Variants in GPC6 observed in about 807,000 individuals in gnomAD.
GPC6 encodes the protein glypican-6.
Under a neutral mutation model 55.2 loss-of-function variants are expected in GPC6, and 14 were observed. The ratio of observed to expected loss-of-function variants is 0.25; its 90% CI spans 0.17 to 0.40. The LOEUF is 0.40. GPC6 is among the 10% of genes least tolerant of loss of function. The pLI, the probability that GPC6 is intolerant of heterozygous loss-of-function variation, is 1.00. For missense variants in GPC6, 641 were observed against 708.5 expected (o/e 0.90, Z 1.08); for synonymous variants, 278 against 259.6 (o/e 1.07, Z -0.68).
chr13:94,369,147 T>C (rs146581885), intron 6 of GPC6, among the ~76,000 whole-genome samples: 43 of 152,314 alleles, frequency 2.8e-4, no homozygotes, highest in African/African-American at 9.9e-4. Flanking sequence ...AAAGATATGG[T>C]ATATATTATT....
chr13:94,225,017 T>G (rs1357091116), intron 4 of GPC6, among the ~76,000 whole-genome samples: 1 of 152,172 alleles, frequency 6.6e-6, no homozygotes, highest in Non-Finnish European at 1.5e-5. Flanking sequence ...TACTCTGGTC[T>G]GCAGCTCATC....
chr13:93,586,685 C>T (rs1464473657), intron 2 of GPC6, among the ~76,000 whole-genome samples: 1 of 152,146 alleles, frequency 6.6e-6, no homozygotes, highest in Non-Finnish European at 1.5e-5. Context: ...CTATACAATA[C>T]CTGTCAGTTT....
chr13:93,854,846 A>C (rs1301163694), intron 3 of GPC6, among the ~76,000 whole-genome samples: 1 of 151,612 alleles, frequency 6.6e-6, no homozygotes, highest in Non-Finnish European at 1.5e-5. Context: ...ATCTAAGTAC[A>C]TTTTTTTAAA....
At chr13:94,262,158 A>C (rs1175511245) in intron 4 of GPC6, among the ~76,000 whole-genome samples, 1 of 152,190 alleles carries the variant, frequency 6.6e-6, no homozygotes, top group Non-Finnish European at 1.5e-5. Flanking sequence ...AGAGCTGGGC[A>C]TATGGTATTT....
rs139843109 is a variant in GPC6 at position 93,421,715 on chromosome 13, G to GAA, written c.161-123539_161-123538dup. On this transcript the variant is annotated intron_variant, in intron 1 of 8. Transcript: ENST00000377047. ...TTTAATGGAAGCAGGTGGAAAATGT[G>GAA]AAAAAAAAAATGACTAAAATGGCTG... 6.0e-5 allele frequency among the ~76,000 whole-genome samples: 9 copies of GAA among 148,792 alleles called. No individual in the cohort carries two copies. In the South Asian group the frequency reaches 1.1e-3, roughly 18 times the overall value.
intron 2 of GPC6, among the ~76,000 whole-genome samples, chr13:93,761,349 G>A (rs1478604242): frequency 6.6e-6 from 1 of 152,164 alleles, no homozygotes; most frequent in Non-Finnish European, 1.5e-5. Context: ...TTTTTTAATA[G>A]AGACAGATTA....
At chr13:94,257,853 C>T (rs946190996) in intron 4 of GPC6, among the ~76,000 whole-genome samples, 8 of 152,280 alleles carry the variant, frequency 5.3e-5, no homozygotes, top group African/African-American at 1.9e-4. Context: ...GATAGACTAA[C>T]AAGAGACAGA....
chr13:94,338,817 T>C (rs373092009), intron 6 of GPC6, among the ~76,000 whole-genome samples: 2 of 152,144 alleles, frequency 1.3e-5, no homozygotes, highest in African/African-American at 4.8e-5. Flanking sequence ...CTCTGTCACA[T>C]ACATGAGGCT....
At chr13:93,367,707 G>A (rs138970382) in intron 1 of GPC6, among the ~76,000 whole-genome samples, 30 of 152,122 alleles carry the variant, frequency 2.0e-4, no homozygotes, top group Admixed American at 1.5e-3. Flanking sequence ...ATTTAATAGT[G>A]TGTTGCTTAG....
At chr13:94,053,038 A>T (rs915369959) in intron 4 of GPC6, among the ~76,000 whole-genome samples, 1 of 152,146 alleles carries the variant, frequency 6.6e-6, no homozygotes, top group African/African-American at 2.4e-5. Context: ...CCAAATATGC[A>T]TGTCAGAAAG....
intron 7 of GPC6, among the ~76,000 whole-genome samples, chr13:94,386,129 G>A (rs1411917872): frequency 6.6e-6 from 1 of 150,880 alleles, no homozygotes; most frequent in African/African-American, 2.4e-5. Flanking sequence ...GGAGGCCAAG[G>A]CGGGCGGATG....
intron 2 of GPC6, among the ~76,000 whole-genome samples, chr13:93,625,298 A>G (rs1351985835): frequency 6.6e-6 from 1 of 152,168 alleles, no homozygotes; most frequent in East Asian, 1.9e-4. Flanking sequence ...GGAAATGTCA[A>G]AATAGGGATG....
chr13:94,265,664 T>G (rs1472665529), intron 4 of GPC6, among the ~76,000 whole-genome samples: 1 of 151,790 alleles, frequency 6.6e-6, no homozygotes, highest in East Asian at 1.9e-4. Flanking sequence ...AAGCAAGAAG[T>G]GTAAAGGGTA....
At chr13:94,352,752 G>T (rs1013036667) in intron 6 of GPC6, among the ~76,000 whole-genome samples, 1 of 152,156 alleles carries the variant, frequency 6.6e-6, no homozygotes, top group African/African-American at 2.4e-5. Context: ...TATTGCCCAA[G>T]TTGACTTGTG....
intron 1 of GPC6, among the ~76,000 whole-genome samples, chr13:93,303,538 C>G (rs899584956): frequency 1.3e-5 from 2 of 151,954 alleles, no homozygotes; most frequent in Non-Finnish European, 2.9e-5. Context: ...AGCATAAACC[C>G]CAGGTGATAG....
At chr13:93,749,923 G>T (rs1482052275) in intron 2 of GPC6, among the ~76,000 whole-genome samples, 2 of 152,208 alleles carry the variant, frequency 1.3e-5, no homozygotes, top group Middle Eastern at 3.4e-3. Flanking sequence ...ATTTATTGGG[G>T]TATTCTAACT....
chr13:93,861,036 G>C (rs1888794030), intron 3 of GPC6, among the ~76,000 whole-genome samples: 1 of 151,444 alleles, frequency 6.6e-6, no homozygotes, highest in African/African-American at 2.4e-5. Flanking sequence ...GGGTTTTTAT[G>C]TATAAAATGG....
At chr13:94,039,337 A>C (rs1566322646) in intron 4 of GPC6, among the ~76,000 whole-genome samples, 1 of 151,922 alleles carries the variant, frequency 6.6e-6, no homozygotes. Flanking sequence ...GATGGATGAG[A>C]CTTGTGGTAG....
intron 2 of GPC6, among the ~76,000 whole-genome samples, chr13:93,817,674 C>G (rs564557383): frequency 1.3e-5 from 2 of 152,098 alleles, no homozygotes; most frequent in African/African-American, 4.8e-5. Flanking sequence ...GCCTGGGCAA[C>G]ATGGCAAAAC....
Sources: gnomAD v4.1 joint callset for allele counts (sites outside exome capture counted in the v4.1 genomes callset) on GRCh38, gnomAD v4.1.1 for gene constraint, MANE v1.5 for transcripts, NCBI Gene and HGNC (gene_info 2026-07-23, HGNC 2026-07-21) for gene names.